The following ZFHX3 variants were observed in gnomAD, a reference collection of about 807,000 sequenced individuals.
ZFHX3 encodes zinc finger homeobox 3.
In ZFHX3, 42 loss-of-function variants were observed where a neutral mutation model predicts 279.1. The ratio of observed to expected loss-of-function variants is 0.15; its 90% CI spans 0.12 to 0.19. The LOEUF is 0.19. ZFHX3 is among the 10% of genes least tolerant of loss of function. ZFHX3 has a pLI of 1.00. For missense variants in ZFHX3, 4,981 were observed against 4,754.0 expected, an observed-to-expected ratio of 1.05 and a Z score of -1.40; for synonymous variants, 2,293 against 1,957.8, an observed-to-expected ratio of 1.17 and a Z score of -4.52.
chr16:73,772,351 G>A (rs2054027422), intron 1 of ZFHX3, among the ~76,000 whole-genome samples: 1 of 152,212 alleles, frequency 6.6e-6, no homozygotes, highest in Admixed American at 6.5e-5. Context: ...CAGGCAAAGA[G>A]AGAGCTTGTG....
intron 7 of ZFHX3, among the ~76,000 whole-genome samples, chr16:73,118,531 A>C (rs1241917597): frequency 6.6e-6 from 1 of 152,002 alleles, no homozygotes; most frequent in Non-Finnish European, 1.5e-5. Flanking sequence ...TTAGGATATG[A>C]CATGTGCAAC....
chr16:73,429,751 T>G lies in ZFHX3; in HGVS notation c.-1291+26252A>C, dbSNP rs369383647. Among the ~76,000 whole-genome samples, 3 of 152,306 alleles carry G rather than the reference T, an allele frequency of 2.0e-5. No homozygotes were observed. The East Asian group carries it at 5.8e-4, about 29-fold the overall frequency. On this transcript the variant is annotated intron_variant, in intron 3 of 17. Coordinates refer to the ZFHX3 transcript ENST00000641206. ...AATATGTCGACCCATAGGCCCCCGG[T>G]GGGAACTCTGCTCTCTAGTCTGGTT...
intron 4 of ZFHX3, among the ~76,000 whole-genome samples, chr16:73,300,389 C>T (rs182151343): frequency 6.6e-6 from 1 of 152,276 alleles, no homozygotes; most frequent in African/African-American, 2.4e-5. Context: ...TCAGCAGCCC[C>T]TCTGGACTCT....
At chr16:73,502,141 T>C (rs1235897201) in intron 2 of ZFHX3, among the ~76,000 whole-genome samples, 1 of 151,976 alleles carries the variant, frequency 6.6e-6, no homozygotes, top group Non-Finnish European at 1.5e-5. Flanking sequence ...TGAAGAAACA[T>C]GTTAGGCCAT....
At chr16:73,429,908 G>A (rs1388049878) in intron 3 of ZFHX3, among the ~76,000 whole-genome samples, 3 of 152,064 alleles carry the variant, frequency 2.0e-5, no homozygotes, top group African/African-American at 7.2e-5. Flanking sequence ...GTTGGTTCGA[G>A]ACAGGGCCTT....
At position 72,900,130 on chromosome 16, in the gene ZFHX3, C is replaced by T. The variant is rs1444381730; in HGVS notation, c.3217-10168G>A. Among the ~76,000 whole-genome samples the T allele has an allele frequency of 5.6e-5, 7 of 124,098 alleles. No individual in the cohort carries two copies. In the Admixed American group the frequency reaches 5.8e-4, roughly 10 times the overall value. The allele number at this position is 124,098 out of a possible 152,430, so 81.4% of individuals were successfully genotyped here. On this transcript the variant is annotated intron_variant, in intron 3 of 9. Coordinates refer to ENST00000268489, the MANE Select transcript of ZFHX3 (RefSeq NM_006885.4). ...CCAGATCCAAAGCTTAAGCCCATGCCCTTGCCAAAAAAAAAAAAAAAAAAA... is the reference window on the plus strand; with the variant it reads ...CCAGATCCAAAGCTTAAGCCCATGCTCTTGCCAAAAAAAAAAAAAAAAAAA...
intron 2 of ZFHX3, among the ~76,000 whole-genome samples, chr16:73,474,268 C>T (rs544790642): frequency 5.1e-4 from 77 of 152,218 alleles, no homozygotes; most frequent in African/African-American, 1.6e-3. Flanking sequence ...ATGCCTCAGC[C>T]TCCCGAGTAG....
chr16:73,433,182 G>A (rs568275216), intron 3 of ZFHX3, among the ~76,000 whole-genome samples: 1 of 152,326 alleles, frequency 6.6e-6, no homozygotes, highest in African/African-American at 2.4e-5. Context: ...CCATGGAGCT[G>A]CCACTGAGTA....
chr16:73,688,915 C>T (rs966581672), intron 1 of ZFHX3, among the ~76,000 whole-genome samples: 9 of 152,156 alleles, frequency 5.9e-5, no homozygotes, highest in African/African-American at 2.2e-4. Context: ...TGAGATGTGC[C>T]TTTCACCTTC....
intron 1 of ZFHX3, among the ~76,000 whole-genome samples, chr16:73,891,092 A>G (rs2030522958): frequency 6.9e-6 from 1 of 145,552 alleles, no homozygotes; most frequent in Non-Finnish European, 1.5e-5. Flanking sequence ...TGTCATCTCC[A>G]TACTAATCTC....
chr16:73,108,680 C>T (rs1966334334), intron 7 of ZFHX3, among the ~76,000 whole-genome samples: 1 of 152,202 alleles, frequency 6.6e-6, no homozygotes, highest in Admixed American at 6.5e-5. Context: ...CTGTGGAGTG[C>T]GGGGCACAGT....
rs1277935382 is a variant in ZFHX3 at position 73,110,969 on chromosome 16, C to T, written c.-896-17371G>A. Among the ~76,000 whole-genome samples the T allele has an allele frequency of 2.6e-5, 4 of 152,068 alleles. No homozygotes were observed. The East Asian group carries it at 7.7e-4, about 29-fold the overall frequency. On this transcript the variant is annotated intron_variant, in intron 7 of 17. Transcript: ENST00000641206. ...TTTATGTTTTTTTTTGAGATGGAGT[C>T]TCACTCTGTTGCCCAGGCCAGAGTA...
chr16:73,261,413 A>C (rs2013819810), intron 4 of ZFHX3, among the ~76,000 whole-genome samples: 1 of 152,186 alleles, frequency 6.6e-6, no homozygotes, highest in African/African-American at 2.4e-5. Context: ...TAGCATGGGG[A>C]ACAGAGGGAA....
rs1367901893 is a variant in ZFHX3, at chr16:73,210,404, T to C, written c.-1104+46643A>G. Among the ~76,000 whole-genome samples the C allele has an allele frequency of 2.0e-5, 3 of 152,158 alleles. No homozygotes were observed. In the East Asian group the frequency reaches 5.8e-4, roughly 29 times the overall value. On this transcript the variant is annotated intron_variant, in intron 5 of 17. Transcript: ENST00000641206. ...GCAATTCAAAGACAGTTTGAAAAAA[T>C]ATAAATATATATTTTGGGGGTAAAA...
chr16:72,803,030 A>C (rs1336192047), intron 7 of ZFHX3, among the ~76,000 whole-genome samples: 1 of 152,118 alleles, frequency 6.6e-6, no homozygotes, highest in East Asian at 1.9e-4. Context: ...TGAAAATGGG[A>C]AAGTAATAAC....
At chr16:73,057,220 G>T (rs574416924) in intron 1 of ZFHX3, among the ~76,000 whole-genome samples, 3 of 152,290 alleles carry the variant, frequency 2.0e-5, no homozygotes, top group South Asian at 4.1e-4. Context: ...TGTAATCAAA[G>T]AATTTGCCAC....
intron 7 of ZFHX3, among the ~76,000 whole-genome samples, chr16:73,128,679 C>T (rs148577246): frequency 1.4e-4 from 22 of 152,280 alleles, no homozygotes; most frequent in African/African-American, 4.8e-4. Context: ...TGATCTTTTA[C>T]CATTTTATAC....
At chr16:73,229,608 C>T (rs1030011308) in intron 5 of ZFHX3, among the ~76,000 whole-genome samples, 2 of 152,124 alleles carry the variant, frequency 1.3e-5, no homozygotes, top group Admixed American at 6.5e-5. Context: ...TACATGCAGA[C>T]GTTATCTGAA....
chr16:72,797,699 G>A lies in ZFHX3; in HGVS notation c.4983C>T (p.Asn1661=). 3 of 1,614,122 alleles carry A rather than the reference G, an allele frequency of 1.9e-6. No individual in the cohort carries two copies. The highest frequency in any genetic ancestry group is 1.3e-5 in the African/African-American group (1 of 75,026). Residue 1661 remains asparagine, a synonymous_variant, in exon 9 of 10, where the codon AAC becomes AAT. Coordinates refer to ENST00000268489, the MANE Select transcript of ZFHX3 (RefSeq NM_006885.4). ...TPSPVSTSGS[N]TFTTSNPSSA... The stretch of plus-strand genomic sequence containing the variant: ...TGCTTGGATTGGAGGTGGTAAAGGT[G>A]TTACTGCCACTGGTGCTCACAGGAC...
Sources: gnomAD v4.1 joint callset for allele counts (sites outside exome capture counted in the v4.1 genomes callset) on GRCh38, gnomAD v4.1.1 for gene constraint, MANE v1.5 for transcripts, NCBI Gene and HGNC (gene_info 2026-07-23, HGNC 2026-07-21) for gene names.